GRM8: variants seen among roughly 807,000 people sequenced by gnomAD.
GRM8 encodes the protein glutamate metabotropic receptor 8, also known as metabotropic glutamate receptor 8.
Under a neutral mutation model 87.2 loss-of-function variants are expected in GRM8, and 47 were observed. The observed-to-expected ratio is 0.54, with a 90% CI of 0.43 to 0.69. The LOEUF is 0.69. Among genes scored for constraint, GRM8 ranks in the 30% least tolerant of loss-of-function variants. GRM8 has a pLI of 0.00. For synonymous variants in GRM8, 396 were observed against 404.5 expected (o/e 0.98, Z 0.25); for missense variants, 1,019 against 1,139.2 (o/e 0.89, Z 1.52).
intron 6 of GRM8, among the ~76,000 whole-genome samples, chr7:126,823,540 T>A (rs1025914754): frequency 6.6e-6 from 1 of 152,240 alleles, no homozygotes. Context: ...AGGGGCCACA[T>A]ATGTAATTTT....
intron 3 of GRM8, among the ~76,000 whole-genome samples, chr7:127,085,818 A>T (rs990645450): frequency 2.4e-4 from 37 of 151,982 alleles, no homozygotes; most frequent in Non-Finnish European, 4.4e-4. Context: ...ATTAGATCCC[A>T]TTTGTCTATT....
chr7:126,657,687 T>C (rs1804680912), intron 7 of GRM8, among the ~76,000 whole-genome samples: 1 of 152,226 alleles, frequency 6.6e-6, no homozygotes, highest in Non-Finnish European at 1.5e-5. Flanking sequence ...AAAGTATAAA[T>C]TCAGTAAAAC....
chr7:126,920,132 C>A (rs1055029446), intron 3 of GRM8, among the ~76,000 whole-genome samples: 1 of 152,146 alleles, frequency 6.6e-6, no homozygotes, highest in African/African-American at 2.4e-5. Flanking sequence ...TGATCTCTCT[C>A]TGTCTCTCTC....
chr7:127,205,757 C>T (rs1323465325), intron 2 of GRM8, among the ~76,000 whole-genome samples: 1 of 152,198 alleles, frequency 6.6e-6, no homozygotes, highest in African/African-American at 2.4e-5. Context: ...TGTGCCCAAA[C>T]TTTCACATGG....
chr7:126,766,745 A>C lies in GRM8; in HGVS notation c.1357+3120T>G, dbSNP rs531877534. On this transcript the variant is annotated intron_variant, in intron 7 of 10. Transcript: ENST00000339582. ...GAAAATTAAAAATTGGTCCTGAGCA[A>C]ACCTTGTTTTGGCCAATGGCCTCCT... Among the ~76,000 whole-genome samples the C allele has an allele frequency of 6.4e-4, 97 of 152,262 alleles. 1 individual carries two copies. The highest frequency in any genetic ancestry group is 6.8e-3 in the Middle Eastern group (2 of 294).
At chr7:126,469,617 T>C (rs1471444752) in intron 9 of GRM8, among the ~76,000 whole-genome samples, 1 of 152,146 alleles carries the variant, frequency 6.6e-6, no homozygotes, top group Non-Finnish European at 1.5e-5. Context: ...CTCACTCCTT[T>C]GCTCTGCACT....
intron 3 of GRM8, among the ~76,000 whole-genome samples, chr7:127,021,827 T>A (rs984150212): frequency 3.3e-5 from 5 of 152,076 alleles, no homozygotes; most frequent in African/African-American, 1.2e-4. Flanking sequence ...AATACAAGAT[T>A]AGATTCAGAT....
chr7:126,580,419 C>G (rs1287779736), intron 8 of GRM8, among the ~76,000 whole-genome samples: 2 of 152,108 alleles, frequency 1.3e-5, no homozygotes, highest in Non-Finnish European at 1.5e-5. Flanking sequence ...CTAGATCCAT[C>G]TAGCTTAAAT....
At chr7:126,925,520 C>T (rs963837278) in intron 3 of GRM8, among the ~76,000 whole-genome samples, 6 of 152,002 alleles carry the variant, frequency 3.9e-5, no homozygotes, top group Non-Finnish European at 8.8e-5. Context: ...AGTAATAGTA[C>T]AAAGACATAA....
intron 7 of GRM8, among the ~76,000 whole-genome samples, chr7:126,631,758 C>T (rs1408898898): frequency 6.6e-6 from 1 of 152,026 alleles, no homozygotes; most frequent in Non-Finnish European, 1.5e-5. Flanking sequence ...CTTTGACAAA[C>T]CTGACAAAAA....
intron 10 of GRM8, among the ~76,000 whole-genome samples, chr7:126,440,224 C>T (rs75786283): frequency 6.6e-6 from 1 of 151,536 alleles, no homozygotes; most frequent in South Asian, 2.1e-4. Context: ...CAAGCTTGAC[C>T]AGCATGGTGA....
chr7:126,980,959 C>T (rs781678554), intron 3 of GRM8: 1 of 152,200 alleles, frequency 6.6e-6, no homozygotes, highest in African/African-American at 2.4e-5. Flanking sequence ...AGTCTTTCAC[C>T]CCTGAAAATG....
chr7:127,136,289 T>C (rs188190291), intron 2 of GRM8, among the ~76,000 whole-genome samples: 1 of 152,136 alleles, frequency 6.6e-6, no homozygotes, highest in Non-Finnish European at 1.5e-5. Flanking sequence ...GCAAATCCAA[T>C]ACACTGCGAA....
In GRM8 at chr7:127,106,772, T is replaced by C. The variant is rs1164578499; in HGVS notation, c.511-60A>G. The C allele has an allele frequency of 7.4e-6, 9 of 1,216,908 alleles. No individual in the cohort carries two copies. In the East Asian group the frequency reaches 1.9e-4, roughly 25 times the overall value. The allele number at this position is 1,216,908 out of a possible 1,614,324, so 75.4% of individuals were successfully genotyped here. Reference sequence around the variant, plus strand: ...ACGAATCTTGAAGAATGATGGATTGTCATATGAGCTAAACAGCCAAGGCTA... The same window carrying C: ...ACGAATCTTGAAGAATGATGGATTGCCATATGAGCTAAACAGCCAAGGCTA... On this transcript the variant is annotated intron_variant, in intron 2 of 10. Coordinates refer to ENST00000339582, the MANE Select transcript of GRM8 (RefSeq NM_000845.3).
chr7:126,508,212 A>G (rs964552037), intron 9 of GRM8, among the ~76,000 whole-genome samples: 2 of 151,208 alleles, frequency 1.3e-5, no homozygotes, highest in Admixed American at 1.3e-4. Context: ...ATAATAGAAT[A>G]CCACAGACTG....
At chr7:126,623,713 C>T (rs575245972) in intron 7 of GRM8, among the ~76,000 whole-genome samples, 2 of 152,308 alleles carry the variant, frequency 1.3e-5, no homozygotes, top group East Asian at 3.9e-4. Flanking sequence ...ACGTATGGCT[C>T]AGTGGATGCC....
chr7:127,104,705 C>T (rs138900182), intron 3 of GRM8, among the ~76,000 whole-genome samples: 11 of 152,254 alleles, frequency 7.2e-5, no homozygotes, highest in African/African-American at 2.6e-4. Context: ...ATATACAAGG[C>T]ACCAAAATTA....
chr7:126,903,767 G>GTATATGTGTATATATATA (rs1802395001), intron 5 of GRM8, among the ~76,000 whole-genome samples: 1 of 115,500 alleles, frequency 8.7e-6, no homozygotes, highest in African/African-American at 3.7e-5. Flanking sequence ...ATATATATAT[G>GTATATGTGTATATATATA]TGTGTGTGTA....
chr7:127,045,001 GT>G (rs2132436421), intron 3 of GRM8, among the ~76,000 whole-genome samples: 1 of 152,102 alleles, frequency 6.6e-6, no homozygotes, highest in Admixed American at 6.5e-5. Context: ...TTCCCTCTCT[GT>G]TTCTCCTCAG....
Sources: allele counts gnomAD v4.1 joint callset (sites outside exome capture counted in the v4.1 genomes callset), GRCh38; gene constraint gnomAD v4.1.1; transcripts MANE v1.5; gene names NCBI Gene and HGNC (gene_info 2026-07-23, HGNC 2026-07-21).